The following WLS variants were observed in gnomAD, a reference collection of about 807,000 sequenced individuals.
The protein encoded by WLS is protein wntless homolog.
WLS carries 23 observed loss-of-function variants against 62.8 expected under a neutral mutation model. The ratio of observed to expected loss-of-function variants is 0.37; its 90% CI spans 0.26 to 0.52. The LOEUF (loss-of-function observed/expected upper bound fraction) is 0.52, where lower values mean the gene tolerates loss of function less well. WLS is among the 20% of genes least tolerant of loss of function. The probability of loss-of-function intolerance (pLI) is 0.92; values close to 1 mark genes in which losing one functional copy is unlikely to be tolerated. For synonymous variants in WLS, 246 were observed against 244.1 expected (o/e 1.01, Z -0.07); for missense variants, 615 against 697.3 (o/e 0.88, Z 1.33).
At chr1:68,211,033 T>C (rs1383411747) in intron 1 of WLS, among the ~76,000 whole-genome samples, 1 of 152,206 alleles carries the variant, frequency 6.6e-6, no homozygotes, top group Non-Finnish European at 1.5e-5. Context: ...CTGCATTTAA[T>C]TTTAAAAAGA....
intron 2 of WLS, chr1:68,161,656 G>T: frequency 2.1e-6 from 2 of 937,614 alleles, no homozygotes; most frequent in South Asian, 1.5e-5. Context: ...TCCAGAATCA[G>T]TTACAAAGAC....
intron 2 of WLS, among the ~76,000 whole-genome samples, chr1:68,184,560 A>G (rs1003114339): frequency 1.3e-5 from 2 of 152,210 alleles, no homozygotes; most frequent in Admixed American, 6.5e-5. Context: ...CCAGACTCTA[A>G]ATGTTAAGGC....
At chr1:68,149,840 C>G (rs1172416073) in intron 6 of WLS, among the ~76,000 whole-genome samples, 1 of 152,146 alleles carries the variant, frequency 6.6e-6, no homozygotes. Context: ...AGCTCAAGGG[C>G]AAGAAATAAT....
chr1:68,121,341 G>C (rs1275840783), downstream of WLS: 2 of 152,172 alleles, frequency 1.3e-5, no homozygotes, highest in Non-Finnish European at 2.9e-5. Flanking sequence ...AGTGGGGCAG[G>C]CCCTACAAAA....
At chr1:68,168,366 T>C (rs1391595523) in intron 2 of WLS, among the ~76,000 whole-genome samples, 1 of 152,196 alleles carries the variant, frequency 6.6e-6, no homozygotes, top group Non-Finnish European at 1.5e-5. Context: ...GATGTGATTT[T>C]GAATTCTCCT....
At chr1:68,196,020 G>A (rs1358659327) in intron 1 of WLS, among the ~76,000 whole-genome samples, 2 of 151,784 alleles carry the variant, frequency 1.3e-5, no homozygotes, top group Non-Finnish European at 2.9e-5. Context: ...GTCAATTCAC[G>A]GGTCAGCACA....
intron 11 of WLS, among the ~76,000 whole-genome samples, chr1:68,110,890 A>C (rs553472260): frequency 6.6e-6 from 1 of 152,250 alleles, no homozygotes; most frequent in South Asian, 2.1e-4. Flanking sequence ...ACAAAAATTA[A>C]TTTTTGATGG....
chr1:68,161,885 C>A (rs74081400), intron 2 of WLS: 568,172 of 1,607,044 alleles, frequency 0.35, 102,135 homozygotes, highest in East Asian at 0.43. Context: ...ATCCCTTCCA[C>A]GGCTGCAGGA....
intron 1 of WLS, among the ~76,000 whole-genome samples, chr1:68,225,432 C>T (rs78842009): frequency 0.059 from 8,933 of 152,084 alleles, 382 homozygotes; most frequent in Middle Eastern, 0.13. Flanking sequence ...TTTATTAGGC[C>T]ACCATCACAA....
intron 2 of WLS, among the ~76,000 whole-genome samples, chr1:68,166,949 A>G (rs1394513054): frequency 1.3e-5 from 2 of 152,112 alleles, no homozygotes; most frequent in Non-Finnish European, 2.9e-5. Flanking sequence ...TGATGTACAT[A>G]AAAAAATAGA....
chr1:68,162,523 C>A, intron 2 of WLS: 1 of 1,610,430 alleles, frequency 6.2e-7, no homozygotes, highest in Admixed American at 1.7e-5. Flanking sequence ...CTACCCCCTG[C>A]GATCAAAGCC....
At chr1:68,220,248 C>T (rs1467936758) in intron 1 of WLS, among the ~76,000 whole-genome samples, 2 of 152,156 alleles carry the variant, frequency 1.3e-5, no homozygotes, top group African/African-American at 2.4e-5. Flanking sequence ...TAATTTTATC[C>T]AATCAATTAA....
chr1:68,193,836 G>C lies in WLS; in HGVS notation c.379+119C>G, dbSNP rs921307989. 3.0e-6 allele frequency: 4 copies of C among 1,323,802 alleles called. No individual in the cohort carries two copies. The African/African-American group carries it at 4.5e-5, about 15-fold the overall frequency. 82.0% of individuals were successfully genotyped at this position (1,323,802 alleles called of 1,614,324 possible). ...GTACACAGAAAGTGCCTGGGAAGTAGTCAATAATTGTTTGCTATTACTATT... is the reference window on the plus strand; with the variant it reads ...GTACACAGAAAGTGCCTGGGAAGTACTCAATAATTGTTTGCTATTACTATT... On this transcript the variant is annotated intron_variant, in intron 2 of 11. Coordinates refer to ENST00000262348, the MANE Select transcript of WLS (RefSeq NM_024911.7).
intron 11 of WLS, among the ~76,000 whole-genome samples, chr1:68,105,650 A>AGTAGGTTTAT (rs1195624008): frequency 1.3e-5 from 2 of 152,206 alleles, no homozygotes; most frequent in African/African-American, 4.8e-5. Flanking sequence ...TTTACTAAGA[A>AGTAGGTTTAT]ACTACCTACC....
chr1:68,128,355 C>T (rs1043347156), intron 11 of WLS, among the ~76,000 whole-genome samples: 2 of 152,218 alleles, frequency 1.3e-5, no homozygotes, highest in African/African-American at 4.8e-5. Context: ...CTAAGCTTCA[C>T]ATTTCTCAGT....
intron 5 of WLS, among the ~76,000 whole-genome samples, chr1:68,152,702 T>C (rs1351943207): frequency 6.6e-6 from 1 of 152,106 alleles, no homozygotes; most frequent in Non-Finnish European, 1.5e-5. Flanking sequence ...TTGAGAAGCA[T>C]TGCTGTAAAG....
downstream of WLS, chr1:68,121,064 G>A (rs1646358776): frequency 6.6e-6 from 1 of 152,156 alleles, no homozygotes; most frequent in Non-Finnish European, 1.5e-5. Flanking sequence ...TGGTTGCTTG[G>A]TCATGAGAAG....
At chr1:68,188,429 C>T (rs551848298) in intron 2 of WLS, among the ~76,000 whole-genome samples, 10 of 152,282 alleles carry the variant, frequency 6.6e-5, no homozygotes, top group South Asian at 4.1e-4. Flanking sequence ...AAATATACTG[C>T]GTAATCTGCC....
At chr1:68,231,906 G>C in intron 1 of WLS, 1 of 458,514 alleles carries the variant, frequency 2.2e-6, no homozygotes, top group Non-Finnish European at 4.2e-6. Context: ...GCGCTTCCTC[G>C]CGCGATCCGT....
Sources: gnomAD v4.1 joint callset for allele counts (sites outside exome capture counted in the v4.1 genomes callset) on GRCh38, gnomAD v4.1.1 for gene constraint, MANE v1.5 for transcripts, NCBI Gene and HGNC (gene_info 2026-07-23, HGNC 2026-07-21) for gene names.